The following FHDC1 variants were observed in gnomAD, a reference collection of about 807,000 sequenced individuals.
FHDC1 encodes FH2 domain containing 1, also known as FH2 domain-containing protein 1.
FHDC1 carries 25 observed loss-of-function variants against 52.6 expected under a neutral mutation model. That is an observed-to-expected ratio of 0.48 (90% CI 0.35 to 0.66). The LOEUF (loss-of-function observed/expected upper bound fraction) is 0.66, where lower values mean the gene tolerates loss of function less well. FHDC1 is among the 30% of genes least tolerant of loss of function. The probability of loss-of-function intolerance (pLI) is 0.01; values close to 1 mark genes in which losing one functional copy is unlikely to be tolerated. For missense variants in FHDC1, 1,459 were observed against 1,452.8 expected, an observed-to-expected ratio of 1.00 and a Z score of -0.07; for synonymous variants, 616 against 581.5, an observed-to-expected ratio of 1.06 and a Z score of -0.85.
At chr4:152,939,292 G>A (rs1739509166) in intron 1 of FHDC1, among the ~76,000 whole-genome samples, 1 of 152,038 alleles carries the variant, frequency 6.6e-6, no homozygotes, top group South Asian at 2.1e-4. Context: ...GTGTTTGAGT[G>A]TGTGTTTATG....
At chr4:152,944,051 T>C (rs182155573) in intron 2 of FHDC1, among the ~76,000 whole-genome samples, 52 of 152,330 alleles carry the variant, frequency 3.4e-4, no homozygotes, top group Non-Finnish European at 8.8e-5. Context: ...TGTTTCTAGA[T>C]GGCCTTCATT....
chr4:152,964,525 A>T (rs915821880), intron 8 of FHDC1, among the ~76,000 whole-genome samples: 5 of 152,186 alleles, frequency 3.3e-5, no homozygotes, highest in Admixed American at 6.5e-5. Flanking sequence ...GTACCTTCTG[A>T]TTAAACTCTG....
rs184680414 is a variant in FHDC1, at chr4:152,967,862, T to C, written c.1101-118T>C. The stretch of plus-strand genomic sequence containing the variant: ...TAAATACAGGGGTAGATAAATATCA[T>C]CACAGTAGCTCTCCCCTTCTGTTTC... On this transcript the variant is annotated intron_variant, in intron 9 of 11. Transcript: ENST00000511601. The C allele has an allele frequency of 2.4e-3, 1,633 of 693,830 alleles. 4 individuals carry two copies. The highest frequency in any genetic ancestry group is 3.3e-3 in the Non-Finnish European group (1,325 of 398,622). 43.0% of individuals were successfully genotyped at this position (693,830 alleles called of 1,614,324 possible).
chr4:152,937,362 A>G (rs1739414886), intron 1 of FHDC1, among the ~76,000 whole-genome samples: 2 of 151,910 alleles, frequency 1.3e-5, no homozygotes, highest in Non-Finnish European at 2.9e-5. Flanking sequence ...CACCTCCCCT[A>G]GTTAGCCGTC....
Position 152,960,733 on chromosome 4 carries a change from T to G in FHDC1, c.750-11T>G, listed in dbSNP as rs1386986220. ...CATCAAATTCTACAGTTTTACTTTTTTATTTTTCAGCTATTCACTTCGGAT... is the reference window on the plus strand; with the variant it reads ...CATCAAATTCTACAGTTTTACTTTTGTATTTTTCAGCTATTCACTTCGGAT... On this transcript the variant is annotated splice_polypyrimidine_tract_variant and intron_variant, in intron 5 of 11. Coordinates refer to ENST00000511601, the MANE Select transcript of FHDC1 (RefSeq NM_001371116.1). 6.2e-7 allele frequency: 1 copy of G among 1,612,074 alleles called. No individual in the cohort carries two copies. Among genetic ancestry groups the G allele is most frequent in the Non-Finnish European group, 8.5e-7 (1 of 1,179,510 alleles).
chr4:152,922,415 T>G, the FHDC1 span, among the ~76,000 whole-genome samples: 1 of 152,218 alleles, frequency 6.6e-6, no homozygotes, highest in South Asian at 2.1e-4. Flanking sequence ...CACAGCCGAA[T>G]TCTATCAGAG....
At position 152,975,686 on chromosome 4, in the gene FHDC1, G is replaced by A; in HGVS notation, c.2395G>A (p.Glu799Lys). 6.2e-7 allele frequency: 1 copy of A among 1,612,376 alleles called. No homozygotes were observed. Residue 799 changes from glutamate (E) to lysine (K), a missense_variant, in exon 12 of 12, where the codon GAG becomes AAG. Physicochemically the swap from Glu to Lys is moderately conservative, Grantham distance 56. Around this residue, in one of 3 missense-constraint regions of FHDC1, gnomAD observed 939 missense variants for 854.5 expected, o/e 1.10. Transcript: ENST00000511601. ...TDSRPRGGDP[E>K]EGGEGDGSMS... ...CTCCAGACCCAGAGGCGGGGACCCG[G>A]AGGAAGGCGGGGAAGGGGATGGCTC...
At chr4:152,927,888 C>T in the FHDC1 span, 2 of 1,377,232 alleles carry the variant, frequency 1.5e-6, no homozygotes, top group Non-Finnish European at 2.1e-6. Flanking sequence ...AACAAGTTCT[C>T]CCAGGTGAAG....
chr4:152,976,401 G>A lies in FHDC1; in HGVS notation c.3110G>A (p.Arg1037Gln). Reference sequence around the variant, plus strand: ...CTACCCCGTGTCCCGAGCTTTGCCCGGAACACAGTGGCCTCCTCCTCTCGA... The same window carrying A: ...CTACCCCGTGTCCCGAGCTTTGCCCAGAACACAGTGGCCTCCTCCTCTCGA... ...HELPRVPSFA[R>Q]NTVASSSRSM... The change falls in exon 12 of 12, where the codon CGG becomes CAG. Residue 1037 changes from arginine (R) to glutamine (Q), a missense_variant. Physicochemically the swap from Arg to Gln is conservative, Grantham distance 43. Coordinates refer to ENST00000511601, the MANE Select transcript of FHDC1 (RefSeq NM_001371116.1). 1.9e-6 allele frequency: 3 copies of A among 1,613,748 alleles called. No individual in the cohort carries two copies. Among genetic ancestry groups the A allele is most frequent in the South Asian group, 1.1e-5 (1 of 91,082 alleles).
At position 152,976,557 on chromosome 4, in the gene FHDC1, C is replaced by T; in HGVS notation, c.3266C>T (p.Ala1089Val). 6.2e-7 allele frequency: 1 copy of T among 1,612,760 alleles called. No homozygotes were observed. The highest frequency in any genetic ancestry group is 8.5e-7 in the Non-Finnish European group (1 of 1,179,638). ...AAGGACAGCAGCACTTTGAGGCGAG[C>T]CAGCAGTGCCCGGGCCCCCAAGAAG... ...APKDSSTLRR[A>V]SSARAPKKRP... The change falls in exon 12 of 12, where the codon GCC becomes GTC. Residue 1089 changes from alanine (A) to valine (V), a missense_variant. Coordinates refer to ENST00000511601, the MANE Select transcript of FHDC1 (RefSeq NM_001371116.1).
the FHDC1 span, among the ~76,000 whole-genome samples, chr4:152,914,745 G>T: frequency 1.3e-5 from 2 of 152,204 alleles, no homozygotes; most frequent in South Asian, 2.1e-4. Flanking sequence ...TGGTACAGGT[G>T]TATATGTTCA....
At chr4:152,917,925 G>GA in the FHDC1 span, among the ~76,000 whole-genome samples, 1 of 152,074 alleles carries the variant, frequency 6.6e-6, no homozygotes, top group East Asian at 1.9e-4. Flanking sequence ...ATAAAATGAG[G>GA]AAAAAAATTC....
At position 152,939,521 on chromosome 4, in the gene FHDC1, G is replaced by A. The variant is rs115467614; in HGVS notation, c.-131+3112G>A. Among the ~76,000 whole-genome samples, 1,026 of 152,294 alleles carry A rather than the reference G, an allele frequency of 6.7e-3. 8 individuals are homozygous for A. The highest frequency in any genetic ancestry group is 0.022 in the African/African-American group (901 of 41,560). ...AGGAGAGCTTAGGAGGGGGCCAGGG[G>A]CAGCTTTGAAGACCCTTAACGAACG... On this transcript the variant is annotated intron_variant, in intron 1 of 11. Coordinates refer to ENST00000511601, the MANE Select transcript of FHDC1 (RefSeq NM_001371116.1).
At chr4:152,929,121 A>C in the FHDC1 span, among the ~76,000 whole-genome samples, 2 of 152,162 alleles carry the variant, frequency 1.3e-5, no homozygotes, top group Non-Finnish European at 2.9e-5. The surrounding 1 kb of genome is among the most constrained non-coding windows in gnomAD (Gnocchi z 4.1). Flanking sequence ...CAATCAATAT[A>C]TATGTAAGAT....
rs1027762974 is a variant in FHDC1 at position 152,976,696 on chromosome 4, G to T, written c.3405G>T (p.Gly1135=). 21 of 1,508,502 alleles carry T rather than the reference G, an allele frequency of 1.4e-5. No homozygotes were observed. The highest frequency in any genetic ancestry group is 1.9e-5 in the Non-Finnish European group (21 of 1,127,740). The allele number at this position is 1,508,502 out of a possible 1,614,324, so 93.4% of individuals were successfully genotyped here. Residue 1135 remains glycine, a synonymous_variant, in exon 12 of 12, where the codon GGG becomes GGT. Coordinates refer to ENST00000511601, the MANE Select transcript of FHDC1 (RefSeq NM_001371116.1). ...AGGACTCCAGTCGGACCACGCTGGG[G>T]AGAATCCTCAATCCCTTACGGAAGT... The part of the protein sequence containing the change: ...RRKDSSRTTL[G]RILNPLRK
chr4:152,922,420 T>A, the FHDC1 span, among the ~76,000 whole-genome samples: 1 of 152,040 alleles, frequency 6.6e-6, no homozygotes, highest in Non-Finnish European at 1.5e-5. Context: ...CCGAATTCTA[T>A]CAGAGGTACA....
chr4:152,964,372 C>A (rs1421827698), intron 8 of FHDC1, among the ~76,000 whole-genome samples: 1 of 152,244 alleles, frequency 6.6e-6, no homozygotes, highest in Non-Finnish European at 1.5e-5. Context: ...CAAAGCTCTC[C>A]TGAATCCAAG....
chr4:152,938,298 G>A (rs1175808198), intron 1 of FHDC1, among the ~76,000 whole-genome samples: 3 of 148,918 alleles, frequency 2.0e-5, no homozygotes, highest in Non-Finnish European at 4.5e-5. Context: ...GGGCGCCTAT[G>A]AATATTTACA....
intron 4 of FHDC1, 150 bp from the exon 5 acceptor site, chr4:152,960,415 G>T: frequency 1.4e-6 from 1 of 734,116 alleles, no homozygotes. Context: ...ATAGCAGATG[G>T]GAGGATTTCC....
Sources: gnomAD v4.1 joint callset for allele counts (sites outside exome capture counted in the v4.1 genomes callset) on GRCh38, gnomAD v4.1.1 for gene constraint, gnomAD v4.1.1 regional missense constraint, Gnocchi (gnomAD v3.1) non-coding constraint, MANE v1.5 for transcripts, NCBI Gene and HGNC (gene_info 2026-07-23, HGNC 2026-07-21) for gene names.